IQGAP2: variants seen among roughly 807,000 people sequenced by gnomAD.
IQGAP2 encodes ras GTPase-activating-like protein IQGAP2.
Under a neutral mutation model 201.3 loss-of-function variants are expected in IQGAP2, and 173 were observed. That is an observed-to-expected ratio of 0.86 (90% CI 0.76 to 0.98). The LOEUF (loss-of-function observed/expected upper bound fraction) is 0.98. IQGAP2 is among the 50% of genes least tolerant of loss of function. The probability of loss-of-function intolerance (pLI) is 0.00; values close to 1 mark genes in which losing one functional copy is unlikely to be tolerated. For missense variants in IQGAP2, 1,687 were observed against 1,864.8 expected (o/e 0.90, Z 1.76); for synonymous variants, 675 against 673.9 (o/e 1.00, Z -0.03).
chr5:76,628,605 C>T, intron 14 of IQGAP2: 2 of 398,728 alleles, frequency 5.0e-6, no homozygotes, highest in Admixed American at 3.2e-5. Context: ...ACTAACCTGC[C>T]AACTGATGGC....
At chr5:76,683,242 T>C (rs760243842) in intron 29 of IQGAP2, 25 bp downstream of exon 29, 84 of 1,550,854 alleles carry the variant, frequency 5.4e-5, no homozygotes, top group Non-Finnish European at 6.8e-5. Context: ...CTTCTACTTA[T>C]CCCTTGGTTT....
intron 1 of IQGAP2, among the ~76,000 whole-genome samples, chr5:76,410,204 G>A (rs1182510180): frequency 6.6e-6 from 1 of 152,168 alleles, no homozygotes; most frequent in East Asian, 1.9e-4. Flanking sequence ...TTTGGATGGC[G>A]GCAATGGGAG....
In IQGAP2 at chr5:76,658,647, A is replaced by G; in HGVS notation, c.2509A>G (p.Lys837Glu). ...LMDIKIGLLV[K>E]NRITLEDVIS... ...GGACATCAAGATTGGACTGCTGGTG[A>G]AGAACAGGATCACACTAGAGGTCAG... The change falls in exon 21 of 36, where the codon AAG (lysine) becomes GAG (glutamate). Residue 837 changes from lysine (K) to glutamate (E), a missense_variant. Transcript: ENST00000274364. 5.0e-6 allele frequency: 8 copies of G among 1,613,870 alleles called. No homozygotes were observed. Among genetic ancestry groups the G allele is most frequent in the Non-Finnish European group, 6.8e-6 (8 of 1,179,908 alleles).
chr5:76,664,441 T>C (rs570332617), intron 21 of IQGAP2, among the ~76,000 whole-genome samples: 1 of 152,302 alleles, frequency 6.6e-6, no homozygotes, highest in South Asian at 2.1e-4. Flanking sequence ...TCCCAGCACT[T>C]TGGAAGGCCA....
intron 5 of IQGAP2, among the ~76,000 whole-genome samples, chr5:76,580,454 CAAAA>C (rs749552674): frequency 1.3e-5 from 2 of 151,036 alleles, no homozygotes; most frequent in African/African-American, 4.8e-5. Context: ...CAAAACAAAA[CAAAA>C]CAAACAAACA....
chr5:76,440,041 G>A (rs1752942189), intron 1 of IQGAP2, among the ~76,000 whole-genome samples: 1 of 152,142 alleles, frequency 6.6e-6, no homozygotes, highest in Non-Finnish European at 1.5e-5. Flanking sequence ...TGTGGGGTTG[G>A]TCTGGTTGTG....
chr5:76,441,538 A>G, intron 1 of IQGAP2: 1 of 984,306 alleles, frequency 1.0e-6, no homozygotes, highest in Non-Finnish European at 1.2e-6. Context: ...TACAACTGTA[A>G]TAATGCTACT....
chr5:76,682,266 T>G (rs1156846949), intron 28 of IQGAP2, among the ~76,000 whole-genome samples: 1 of 152,222 alleles, frequency 6.6e-6, no homozygotes, highest in Non-Finnish European at 1.5e-5. Flanking sequence ...GAAAAGGAAC[T>G]AGCTTTATCA....
chr5:76,434,586 ACTT>A (rs1752552840), intron 1 of IQGAP2, among the ~76,000 whole-genome samples: 1 of 151,856 alleles, frequency 6.6e-6, no homozygotes, highest in East Asian at 1.9e-4. Context: ...TTCTTTATCC[ACTT>A]ATTGGTCAAT....
chr5:76,429,943 G>A (rs1752273201), intron 1 of IQGAP2, among the ~76,000 whole-genome samples: 1 of 151,588 alleles, frequency 6.6e-6, no homozygotes. Flanking sequence ...TTTTCTCACA[G>A]CATCCATCTA....
At chr5:76,681,853 A>G (rs560261767) in intron 28 of IQGAP2, among the ~76,000 whole-genome samples, 1 of 152,346 alleles carries the variant, frequency 6.6e-6, no homozygotes, top group Admixed American at 6.5e-5. Context: ...AGATGAATGG[A>G]TAAAATGTGT....
chr5:76,459,043 G>T (rs1234122330), intron 1 of IQGAP2, among the ~76,000 whole-genome samples: 1 of 152,100 alleles, frequency 6.6e-6, no homozygotes, highest in Non-Finnish European at 1.5e-5. Context: ...GTGCCCACTG[G>T]GTCAAGCCTG....
At chr5:76,410,288 A>G (rs1193130246) in intron 1 of IQGAP2, among the ~76,000 whole-genome samples, 1 of 152,188 alleles carries the variant, frequency 6.6e-6, no homozygotes, top group Admixed American at 6.5e-5. Context: ...GTGCTAGTAT[A>G]TTTGTACTGT....
intron 2 of IQGAP2, 63 bp downstream of exon 2, chr5:76,461,732 G>A (rs914931463): frequency 2.3e-5 from 28 of 1,192,836 alleles, no homozygotes; most frequent in Admixed American, 1.1e-4. Flanking sequence ...TGATAAGGGC[G>A]TGGGATTTGA....
At position 76,555,864 on chromosome 5, in the gene IQGAP2, G is replaced by T. The variant is rs115836591; in HGVS notation, c.147-6532G>T. On this transcript the variant is annotated intron_variant, in intron 2 of 35. Transcript: ENST00000274364. ...AGGTTTTCCTGAGCCACACTTAGGG[G>T]TGGTGCACCTCTCACACTCATTTCC... Among the ~76,000 whole-genome samples, 195 of 152,178 alleles carry T rather than the reference G, an allele frequency of 1.3e-3. 1 individual carries two copies. The highest frequency in any genetic ancestry group is 4.6e-3 in the African/African-American group (189 of 41,522).
In IQGAP2 at chr5:76,432,803, AC is replaced by A. The variant is rs140930149; in HGVS notation, c.47-28766del. On this transcript the variant is annotated intron_variant, in intron 1 of 35. Transcript: ENST00000274364. The stretch of plus-strand genomic sequence containing the variant: ...TCGGCTCATCACAACTTTGAGAGAT[AC>A]ACCTGGCTGCATACTCTCTGTTTGC... Among the ~76,000 whole-genome samples, 1,224 of 152,316 alleles carry A rather than the reference AC, an allele frequency of 8.0e-3. 8 individuals are homozygous for A. Among genetic ancestry groups the A allele is most frequent in the Middle Eastern group, 0.017 (5 of 294 alleles).
chr5:76,570,417 T>G (rs1284728945), intron 3 of IQGAP2, among the ~76,000 whole-genome samples, 163 bp from the exon 4 acceptor site: 2 of 152,252 alleles, frequency 1.3e-5, no homozygotes, highest in Admixed American at 6.5e-5. Flanking sequence ...GTTGCCAAGA[T>G]ACATCCTTTA....
chr5:76,679,506 C>G lies in IQGAP2; in HGVS notation c.3660+2156C>G, dbSNP rs537052390. On this transcript the variant is annotated intron_variant, in intron 28 of 35. Coordinates refer to ENST00000274364, the MANE Select transcript of IQGAP2 (RefSeq NM_006633.5). ...ACAGCAGTAGCAGGATTTGCCAAGC[C>G]TGTGGCCATGTGCTTACCCCTTTCT... Among the ~76,000 whole-genome samples the G allele has an allele frequency of 2.6e-5, 4 of 152,342 alleles. No homozygotes were observed. The South Asian group carries it at 8.3e-4, about 32-fold the overall frequency.
At chr5:76,565,021 T>C (rs761719593) in intron 3 of IQGAP2, among the ~76,000 whole-genome samples, 21 of 152,242 alleles carry the variant, frequency 1.4e-4, no homozygotes, top group Non-Finnish European at 2.6e-4. Context: ...GTGTTCTTGA[T>C]GGAAACTTTG....
Sources: allele counts gnomAD v4.1 joint callset (sites outside exome capture counted in the v4.1 genomes callset), GRCh38; gene constraint gnomAD v4.1.1; transcripts MANE v1.5; gene names NCBI Gene and HGNC (gene_info 2026-07-23, HGNC 2026-07-21).